ZNF326: variants seen among roughly 807,000 people sequenced by gnomAD.
ZNF326 encodes zinc finger protein 326.
In ZNF326, 30 loss-of-function variants were observed where a neutral mutation model predicts 63.1. That is an observed-to-expected ratio of 0.48 (90% CI 0.36 to 0.64). The LOEUF (loss-of-function observed/expected upper bound fraction) is 0.64, where lower values mean the gene tolerates loss of function less well. ZNF326 is among the 30% of genes least tolerant of loss of function. The pLI, the probability that ZNF326 is intolerant of heterozygous loss-of-function variation, is 0.00. For synonymous variants in ZNF326, 194 were observed against 228.2 expected, an observed-to-expected ratio of 0.85 and a Z score of 1.35; for missense variants, 609 against 720.3, an observed-to-expected ratio of 0.85 and a Z score of 1.77.
At position 90,018,668 on chromosome 1, in the gene ZNF326, T is replaced by C. The variant is rs1184565717; in HGVS notation, c.1075-17T>C. ...CTCATTGAAAGCTATTTAGATTCTTTCTATTTTGTTTTCTAGGAGTGTATG... is the reference window on the plus strand; with the variant it reads ...CTCATTGAAAGCTATTTAGATTCTTCCTATTTTGTTTTCTAGGAGTGTATG... On this transcript the variant is annotated splice_polypyrimidine_tract_variant and intron_variant, in intron 8 of 11. Coordinates refer to ENST00000340281, the MANE Select transcript of ZNF326 (RefSeq NM_182976.4). 2.0e-6 allele frequency: 3 copies of C among 1,469,420 alleles called. No individual in the cohort carries two copies. The highest frequency in any genetic ancestry group is 2.8e-6 in the Non-Finnish European group (3 of 1,072,048). The allele number at this position is 1,469,420 out of a possible 1,614,324, so 91.0% of individuals were successfully genotyped here.
chr1:90,027,475 A>C lies in ZNF326; in HGVS notation c.1523A>C (p.Glu508Ala), dbSNP rs750316946. 1.2e-5 allele frequency: 20 copies of C among 1,613,846 alleles called. No homozygotes were observed. Among genetic ancestry groups the C allele is most frequent in the South Asian group, 9.9e-5 (9 of 91,054 alleles). The change falls in exon 12 of 12, where the codon GAA becomes GCA. Residue 508 changes from glutamate to alanine, a missense_variant. This residue lies in a region of ZNF326 where 399 missense variants were observed against 444.3 expected (regional missense o/e 0.90). Coordinates refer to ENST00000340281, the MANE Select transcript of ZNF326 (RefSeq NM_182976.4). ...GAGGAGGATGAAGATGAGGAAGAAG[A>C]AGCAGAGGAAGTGGGGGAAGTAGAG... ...EEEEDEDEEE[E>A]AEEVGEVEEV... is the part of the protein sequence containing the mutation.
rs748985731 is a variant in ZNF326, at chr1:90,005,134, G to T, written c.99G>T (p.Gly33=). The change falls in exon 4 of 12, where the codon GGG becomes GGT. Residue 33 remains glycine (G), a splice_region_variant and synonymous_variant. Coordinates refer to ENST00000340281, the MANE Select transcript of ZNF326 (RefSeq NM_182976.4). ...TTTTTTCTTTTTAAACTCTTATAGGGATGGATCGTGACTATGGCCATGGAT... is the reference window on the plus strand; with the variant it reads ...TTTTTTCTTTTTAAACTCTTATAGGTATGGATCGTGACTATGGCCATGGAT... ...DRDYGPGSYG[G]MDRDYGHGSY... 1 of 1,613,880 alleles carries T rather than the reference G, an allele frequency of 6.2e-7. No homozygotes were observed. Among genetic ancestry groups the T allele is most frequent in the East Asian group, 2.2e-5 (1 of 44,844 alleles).
At chr1:90,005,311 T>C in intron 4 of ZNF326, 67 bp downstream of exon 4, 4 of 1,562,380 alleles carry the variant, frequency 2.6e-6, no homozygotes, top group Non-Finnish European at 3.5e-6. Context: ...TTATTTTAAG[T>C]ACTCTTTAGG....
chr1:90,001,037 T>A (rs1258477825), intron 2 of ZNF326, among the ~76,000 whole-genome samples: 1 of 152,172 alleles, frequency 6.6e-6, no homozygotes, highest in African/African-American at 2.4e-5. Context: ...AGGGCAGGGT[T>A]TCTCAAATTT....
At position 90,007,606 on chromosome 1, in the gene ZNF326, C is replaced by T. The variant is rs1418800686; in HGVS notation, c.471C>T (p.Tyr157=). ...GAGGAAGAGAGAATTACTCTTCCTA[C>T]AGCAGTTTTTCTTCACCCCATATGA... ...EDRGRENYSS[Y]SSFSSPHMKP... Residue 157 remains tyrosine (Y), a synonymous_variant, in exon 5 of 12, where the codon TAC becomes TAT. Transcript: ENST00000340281. The surrounding 1 kb of genome is among the most constrained non-coding windows in gnomAD (Gnocchi z 4.9). 7 of 1,602,264 alleles carry T rather than the reference C, an allele frequency of 4.4e-6. No individual in the cohort carries two copies. The highest frequency in any genetic ancestry group is 3.3e-5 in the South Asian group (3 of 89,916).
chr1:90,025,392 G>T (rs1299637827), intron 11 of ZNF326, among the ~76,000 whole-genome samples: 1 of 152,136 alleles, frequency 6.6e-6, no homozygotes, highest in African/African-American at 2.4e-5. Context: ...CACCTCCCGG[G>T]TTCAAACGAT....
intron 6 of ZNF326, among the ~76,000 whole-genome samples, chr1:90,011,318 ATG>A (rs1649221738): frequency 6.6e-6 from 1 of 152,200 alleles, no homozygotes; most frequent in Admixed American, 6.5e-5. Context: ...AGTATAGACT[ATG>A]TGACTTTATA....
At chr1:89,996,708 T>A (rs1648394442) in intron 1 of ZNF326, among the ~76,000 whole-genome samples, 1 of 151,502 alleles carries the variant, frequency 6.6e-6, no homozygotes, top group Non-Finnish European at 1.5e-5. Context: ...CATTGCACTC[T>A]AGCCTGGGCA....
At chr1:90,024,208 C>T (rs1379656237) in intron 11 of ZNF326, among the ~76,000 whole-genome samples, 1 of 152,130 alleles carries the variant, frequency 6.6e-6, no homozygotes. Flanking sequence ...CCTTTTAAAT[C>T]TTTGTCCCTT....
At chr1:89,997,376 A>G (rs1648430808) in intron 1 of ZNF326, among the ~76,000 whole-genome samples, 1 of 152,028 alleles carries the variant, frequency 6.6e-6, no homozygotes, top group Admixed American at 6.6e-5. Context: ...TAAGATCTTG[A>G]AATCTTTTTT....
At position 89,995,215 on chromosome 1, in the gene ZNF326, C is replaced by G. The variant is rs1007495177; in HGVS notation, c.-43C>G. On this transcript the variant is annotated 5_prime_UTR_variant, in exon 1 of 12. Transcript: ENST00000340281. ...CGCGGACGCTCGCCGCCGGCCATAG[C>G]TCAGCCTAGCGCCGCCAAGGCCGAC... 4 of 1,535,870 alleles carry G rather than the reference C, an allele frequency of 2.6e-6. No homozygotes were observed. The highest frequency in any genetic ancestry group is 2.0e-5 in the Admixed American group (1 of 50,540).
At chr1:90,012,004 T>C (rs1388464458) in intron 6 of ZNF326, among the ~76,000 whole-genome samples, 2 of 152,098 alleles carry the variant, frequency 1.3e-5, no homozygotes, top group East Asian at 3.9e-4. Flanking sequence ...GCCCAGCTAA[T>C]TGTTGTATCT....
intron 6 of ZNF326, among the ~76,000 whole-genome samples, chr1:90,012,758 G>A (rs146914287): frequency 6.6e-5 from 10 of 152,174 alleles, no homozygotes; most frequent in Middle Eastern, 3.4e-3. Context: ...TTTCATGCTC[G>A]GTCAGGTTAC....
chr1:90,018,075 C>T lies in ZNF326; in HGVS notation c.1075-610C>T, dbSNP rs112959564. ...TTGGGAGGCTGAAGCGGGTGGATCACGAGGTCAGGGGTTCAAGACCAGCCT... is the reference window on the plus strand; with the variant it reads ...TTGGGAGGCTGAAGCGGGTGGATCATGAGGTCAGGGGTTCAAGACCAGCCT... On this transcript the variant is annotated intron_variant, in intron 8 of 11. Coordinates refer to ENST00000340281, the MANE Select transcript of ZNF326 (RefSeq NM_182976.4). Among the ~76,000 whole-genome samples the T allele has an allele frequency of 1.2e-3, 176 of 152,198 alleles. 1 individual carries two copies. The highest frequency in any genetic ancestry group is 2.0e-3 in the Non-Finnish European group (137 of 67,998).
chr1:90,001,757 CAT>C (rs1313662085), intron 2 of ZNF326, among the ~76,000 whole-genome samples: 1 of 151,924 alleles, frequency 6.6e-6, no homozygotes, highest in African/African-American at 2.4e-5. Context: ...GGAGTTTTAC[CAT>C]GTTGGTCAGG....
At chr1:89,998,518 T>C (rs1213497771) in intron 2 of ZNF326, among the ~76,000 whole-genome samples, 1 of 152,226 alleles carries the variant, frequency 6.6e-6, no homozygotes, top group Non-Finnish European at 1.5e-5. Flanking sequence ...GGCTTGGTTC[T>C]ATATAGCTTG....
At chr1:89,996,943 A>G (rs1004766998) in intron 1 of ZNF326, among the ~76,000 whole-genome samples, 10 of 152,244 alleles carry the variant, frequency 6.6e-5, no homozygotes, top group African/African-American at 2.2e-4. Context: ...ACCCAAGGCA[A>G]TAAGGGAATC....
At position 90,024,091 on chromosome 1, in the gene ZNF326, C is replaced by G. The variant is rs114532424; in HGVS notation, c.1401+1746C>G. On this transcript the variant is annotated intron_variant, in intron 11 of 11. Coordinates refer to ENST00000340281, the MANE Select transcript of ZNF326 (RefSeq NM_182976.4). ...TCAGCATGCCTGTCTGCTGTGTTCC[C>G]TGTTGTCATTCCCCAGAACATCTTC... Among the ~76,000 whole-genome samples the G allele has an allele frequency of 5.0e-3, 757 of 152,290 alleles. 5 individuals carry two copies. The highest frequency in any genetic ancestry group is 0.017 in the African/African-American group (712 of 41,542).
At chr1:90,013,659 A>G (rs1301952406) in intron 7 of ZNF326, among the ~76,000 whole-genome samples, 5 of 152,232 alleles carry the variant, frequency 3.3e-5, no homozygotes, top group Admixed American at 1.3e-4. Flanking sequence ...TTAAAAAGCT[A>G]TAATAGTTAA....
Sources: gnomAD v4.1 joint callset for allele counts (sites outside exome capture counted in the v4.1 genomes callset) on GRCh38, gnomAD v4.1.1 for gene constraint, gnomAD v4.1.1 regional missense constraint, Gnocchi (gnomAD v3.1) non-coding constraint, MANE v1.5 for transcripts, NCBI Gene and HGNC (gene_info 2026-07-23, HGNC 2026-07-21) for gene names.